The following MYO18B variants were observed in gnomAD, a reference collection of about 807,000 sequenced individuals.
MYO18B encodes unconventional myosin-XVIIIb.
In MYO18B, 204 loss-of-function variants were observed where a neutral mutation model predicts 273.0. The observed-to-expected ratio is 0.75, with a 90% CI of 0.67 to 0.84. MYO18B has a LOEUF of 0.84. MYO18B is among the 40% of genes least tolerant of loss of function. The probability of loss-of-function intolerance (pLI) is 0.00; values close to 1 mark genes in which losing one functional copy is unlikely to be tolerated. For missense variants in MYO18B, 3,212 were observed against 3,287.6 expected (o/e 0.98, Z 0.56); for synonymous variants, 1,330 against 1,305.7 (o/e 1.02, Z -0.40).
At chr22:25,984,662 T>C (rs2093182360) in intron 39 of MYO18B, among the ~76,000 whole-genome samples, 1 of 152,050 alleles carries the variant, frequency 6.6e-6, no homozygotes, top group Admixed American at 6.6e-5. Flanking sequence ...CTGGGCATAG[T>C]GGTGCATGCC....
chr22:25,979,929 A>G (rs2093132203), intron 39 of MYO18B, among the ~76,000 whole-genome samples: 1 of 152,044 alleles, frequency 6.6e-6, no homozygotes, highest in Non-Finnish European at 1.5e-5. Flanking sequence ...ACCAAGTACA[A>G]AGCCCCTTCC....
At chr22:26,043,719 T>G in the MYO18B span, among the ~76,000 whole-genome samples, 10 of 152,048 alleles carry the variant, frequency 6.6e-5, no homozygotes, top group Non-Finnish European at 1.5e-4. Context: ...TTTCAGCATG[T>G]TGGCCAGACT....
intron 25 of MYO18B, among the ~76,000 whole-genome samples, chr22:25,887,211 C>CT (rs1569153410): frequency 6.6e-6 from 1 of 152,130 alleles, no homozygotes; most frequent in South Asian, 2.1e-4. Flanking sequence ...CAGTGGGGTC[C>CT]TTCAGAACAG....
chr22:25,811,733 T>C (rs1209614945), intron 12 of MYO18B, among the ~76,000 whole-genome samples: 1 of 152,228 alleles, frequency 6.6e-6, no homozygotes, highest in East Asian at 1.9e-4. Flanking sequence ...AATGGACCTC[T>C]GTGTATATGA....
chr22:25,746,024 A>C (rs1240732997), intron 1 of MYO18B, among the ~76,000 whole-genome samples: 4 of 152,202 alleles, frequency 2.6e-5, no homozygotes, highest in Non-Finnish European at 4.4e-5. Context: ...ATCCAGGGTG[A>C]AATAAAAGCA....
In MYO18B at chr22:25,772,431, C is replaced by G; in HGVS notation, c.1790C>G (p.Ala597Gly). ...VLNTLLQRYK[A>G]QLLHTCTGPD... is the part of the protein sequence containing the mutation. ...AACACGCTTCTGCAGCGCTACAAAG[C>G]TCAGCTGCTGCACACCTGCACAGGG... The change falls in exon 7 of 44, where the codon GCT (alanine) becomes GGT (glycine). Residue 597 changes from alanine to glycine, a missense_variant. Physicochemically the swap from Ala to Gly is moderately conservative, Grantham distance 60 (BLOSUM62 0). Transcript: ENST00000335473. The G allele has an allele frequency of 6.2e-7, 1 of 1,614,050 alleles. No homozygotes were observed. Among genetic ancestry groups the G allele is most frequent in the Non-Finnish European group, 8.5e-7 (1 of 1,179,908 alleles).
At chr22:25,808,684 G>C (rs5761234) in intron 12 of MYO18B, among the ~76,000 whole-genome samples, 10,021 of 152,172 alleles carry the variant, frequency 0.066, 579 homozygotes, top group East Asian at 0.21. Context: ...AAGGCATGGG[G>C]TCTGGAACCA....
chr22:25,862,848 G>GT (rs1360161156), intron 21 of MYO18B, among the ~76,000 whole-genome samples: 1 of 148,670 alleles, frequency 6.7e-6, no homozygotes, highest in African/African-American at 2.5e-5. Flanking sequence ...TTTTTTTTTG[G>GT]GGGGGGGTGT....
rs1555968886 is a variant in MYO18B, at chr22:25,963,178, T to TCA, written c.6156+7845_6156+7846dup. ...TCTTTCTCCTCTCTCTCTCTCTCTC[T>TCA]CACACACACACACACACACACACAC... On this transcript the variant is annotated intron_variant, in intron 39 of 43. Coordinates refer to ENST00000335473, the MANE Select transcript of MYO18B (RefSeq NM_032608.7). Among the ~76,000 whole-genome samples the TCA allele has an allele frequency of 6.2e-3, 891 of 144,146 alleles. 7 individuals carry two copies. Among genetic ancestry groups the TCA allele is most frequent in the Admixed American group, 0.011 (158 of 14,584 alleles). 94.6% of individuals were successfully genotyped at this position (144,146 alleles called of 152,430 possible).
chr22:26,033,541 T>G (rs1476535236), downstream of MYO18B, among the ~76,000 whole-genome samples: 3 of 152,212 alleles, frequency 2.0e-5, no homozygotes, highest in Non-Finnish European at 1.5e-5. Context: ...TAATTTCAAG[T>G]AATAACAGCA....
At chr22:25,961,281 T>G (rs1199387340) in intron 39 of MYO18B, among the ~76,000 whole-genome samples, 1 of 151,792 alleles carries the variant, frequency 6.6e-6, no homozygotes. Context: ...GTCATGGGTC[T>G]CCATTGCCTT....
chr22:25,911,074 A>G (rs371976353), intron 33 of MYO18B, 24 bp downstream of exon 33: 40 of 1,545,068 alleles, frequency 2.6e-5, no homozygotes, highest in Non-Finnish European at 3.4e-5. Flanking sequence ...ATTGGCAGAC[A>G]TTCAGAGGAG....
At chr22:25,924,829 G>A (rs2050511392) in intron 34 of MYO18B, among the ~76,000 whole-genome samples, 9 of 152,198 alleles carry the variant, frequency 5.9e-5, no homozygotes, top group Admixed American at 3.3e-4. Flanking sequence ...ATGGTCACCT[G>A]GGTTGGGGGA....
chr22:25,871,615 C>T (rs1053294697), intron 22 of MYO18B, among the ~76,000 whole-genome samples: 5 of 152,096 alleles, frequency 3.3e-5, no homozygotes, highest in African/African-American at 9.7e-5. Context: ...ACTCTGTTTG[C>T]ATCCGATAAG....
At chr22:25,811,391 TC>T (rs1350268776) in intron 12 of MYO18B, among the ~76,000 whole-genome samples, 1 of 152,078 alleles carries the variant, frequency 6.6e-6, no homozygotes, top group East Asian at 1.9e-4. Flanking sequence ...CACATAACAT[TC>T]CATGAAACCT....
At chr22:25,744,038 A>G (rs1568957480) in intron 1 of MYO18B, among the ~76,000 whole-genome samples, 1 of 152,160 alleles carries the variant, frequency 6.6e-6, no homozygotes, top group East Asian at 1.9e-4. Context: ...TGCCCACCCA[A>G]ATTGGAGAAG....
intron 42 of MYO18B, among the ~76,000 whole-genome samples, chr22:26,013,199 G>T (rs900724029): frequency 2.0e-5 from 3 of 152,040 alleles, no homozygotes; most frequent in Non-Finnish European, 4.4e-5. Flanking sequence ...TCAACTGGAG[G>T]CACTTCTGCA....
At chr22:25,921,700 T>TG (rs1246170882) in intron 34 of MYO18B, among the ~76,000 whole-genome samples, 2,839 of 134,486 alleles carry the variant, frequency 0.021, 98 homozygotes, top group African/African-American at 0.079. Flanking sequence ...GCAGTGTGCC[T>TG]GTTGTGTGTG....
intron 1 of MYO18B, among the ~76,000 whole-genome samples, chr22:25,750,225 G>A (rs5996968): frequency 0.058 from 8,869 of 152,190 alleles, 792 homozygotes; most frequent in African/African-American, 0.18. Flanking sequence ...GCCTGAAGGC[G>A]CCTTTGGGAG....
Sources: gnomAD v4.1 joint callset for allele counts (sites outside exome capture counted in the v4.1 genomes callset) on GRCh38, gnomAD v4.1.1 for gene constraint, MANE v1.5 for transcripts, NCBI Gene and HGNC (gene_info 2026-07-23, HGNC 2026-07-21) for gene names.